NEDD4L: variants seen among roughly 807,000 people sequenced by gnomAD.
NEDD4L encodes the protein NEDD4 like E3 ubiquitin protein ligase, also known as E3 ubiquitin-protein ligase NEDD4-like.
A neutral mutation model predicts 148.9 loss-of-function variants in NEDD4L; 54 were observed. That is an observed-to-expected ratio of 0.36 (90% CI 0.29 to 0.45). NEDD4L has a LOEUF of 0.45. Among genes scored for constraint, NEDD4L ranks in the 20% least tolerant of loss-of-function variants. The pLI is 1.00. For synonymous variants in NEDD4L, 433 were observed against 440.7 expected (o/e 0.98, Z 0.22); for missense variants, 856 against 1,233.8 (o/e 0.69, Z 4.59).
chr18:58,135,125 C>T (rs1037896719), intron 1 of NEDD4L, among the ~76,000 whole-genome samples: 64 of 152,048 alleles, frequency 4.2e-4, no homozygotes, highest in African/African-American at 1.4e-3. Context: ...AAGGGCTGGC[C>T]GCCTTATTTG....
At chr18:58,334,837 A>G (rs941956504) in intron 12 of NEDD4L, among the ~76,000 whole-genome samples, 1 of 152,232 alleles carries the variant, frequency 6.6e-6, no homozygotes. Context: ...AGCAGTCAAA[A>G]TAATAGAGTC....
intron 5 of NEDD4L, among the ~76,000 whole-genome samples, chr18:58,275,622 G>T (rs967192450): frequency 1.3e-5 from 2 of 152,202 alleles, no homozygotes; most frequent in Non-Finnish European, 2.9e-5. Context: ...GTAGTGGTCT[G>T]GCCGCTGCAC....
At chr18:58,149,099 G>T (rs1348318463) in intron 1 of NEDD4L, among the ~76,000 whole-genome samples, 1 of 152,176 alleles carries the variant, frequency 6.6e-6, no homozygotes, top group Non-Finnish European at 1.5e-5. Context: ...GCTTTTGCGT[G>T]GGGAAAACAT....
At chr18:58,192,792 T>C (rs149731701) in intron 2 of NEDD4L, among the ~76,000 whole-genome samples, 466 of 152,332 alleles carry the variant, frequency 3.1e-3, no homozygotes, top group Non-Finnish European at 5.0e-3. Context: ...TCCAGGAATT[T>C]ATCATCACTT....
intron 2 of NEDD4L, among the ~76,000 whole-genome samples, chr18:58,244,142 T>G (rs1402355150): frequency 6.6e-6 from 1 of 152,232 alleles, no homozygotes. Context: ...CTTGATGTAA[T>G]CTTTGGAAAT....
rs984792592 is a variant in NEDD4L, at chr18:58,360,683, C to G, written c.1767+3431C>G. ...TCTGGTCCTAGGATCATTAAATCTCCCACTACGTCTGTAGACTCTCCTTAA... is the reference window on the plus strand; with the variant it reads ...TCTGGTCCTAGGATCATTAAATCTCGCACTACGTCTGTAGACTCTCCTTAA... On this transcript the variant is annotated intron_variant, in intron 19 of 30. Coordinates refer to ENST00000400345, the MANE Select transcript of NEDD4L (RefSeq NM_001144967.3). Among the ~76,000 whole-genome samples the G allele has an allele frequency of 9.2e-5, 14 of 151,878 alleles. No individual in the cohort carries two copies. The East Asian group carries it at 2.3e-3, about 25-fold the overall frequency.
intron 16 of NEDD4L, among the ~76,000 whole-genome samples, chr18:58,343,985 G>A (rs1479478905): frequency 4.6e-5 from 7 of 152,094 alleles, no homozygotes; most frequent in African/African-American, 1.2e-4. Context: ...CCATCGAATT[G>A]TCTAGCTAGA....
intron 3 of NEDD4L, 77 bp from the exon 4 acceptor site, chr18:58,248,822 A>T: frequency 1.4e-6 from 1 of 724,852 alleles, no homozygotes; most frequent in Admixed American, 2.7e-5. Flanking sequence ...GTTTAAGCAA[A>T]TATGTAGACT....
intron 1 of NEDD4L, among the ~76,000 whole-genome samples, chr18:58,061,489 T>C (rs1320137155): frequency 6.6e-6 from 1 of 151,900 alleles, no homozygotes; most frequent in African/African-American, 2.4e-5. Flanking sequence ...TGTTTTTTTT[T>C]TTTTTCTTTC....
At chr18:58,108,834 A>G (rs1873464536) in intron 1 of NEDD4L, among the ~76,000 whole-genome samples, 1 of 152,260 alleles carries the variant, frequency 6.6e-6, no homozygotes, top group Non-Finnish European at 1.5e-5. Context: ...CAGATATACC[A>G]TATGACATAA....
chr18:58,309,057 T>A (rs1264733056), intron 5 of NEDD4L, among the ~76,000 whole-genome samples: 1 of 152,242 alleles, frequency 6.6e-6, no homozygotes, highest in Non-Finnish European at 1.5e-5. Flanking sequence ...GGCACCTTTT[T>A]GGGACACAGT....
intron 2 of NEDD4L, chr18:58,190,010 T>C (rs920049389): frequency 6.6e-6 from 1 of 152,194 alleles, no homozygotes; most frequent in African/African-American, 2.4e-5. Flanking sequence ...TTCCAAATCG[T>C]TTTTAGGGAA....
intron 1 of NEDD4L, among the ~76,000 whole-genome samples, chr18:58,062,044 A>G (rs1037670244): frequency 2.6e-5 from 4 of 152,234 alleles, no homozygotes; most frequent in South Asian, 4.1e-4. Context: ...TGAACTCTTC[A>G]TAATATCTCA....
chr18:58,058,334 T>C (rs2082178432), intron 1 of NEDD4L, among the ~76,000 whole-genome samples: 1 of 152,098 alleles, frequency 6.6e-6, no homozygotes, highest in South Asian at 2.1e-4. Flanking sequence ...CATGACAAAA[T>C]GGACTCTCTT....
At chr18:58,255,496 T>C (rs1383671253) in intron 5 of NEDD4L, 2 of 1,230,738 alleles carry the variant, frequency 1.6e-6, no homozygotes, top group Admixed American at 8.4e-5. Flanking sequence ...TTATTTCTGC[T>C]ATCTGTCGCT....
At chr18:58,151,563 G>A (rs1418965194) in intron 1 of NEDD4L, among the ~76,000 whole-genome samples, 1 of 151,380 alleles carries the variant, frequency 6.6e-6, no homozygotes, top group African/African-American at 2.4e-5. Context: ...TAAAAATACG[G>A]ATACCACCAT....
rs563595447 is a variant in NEDD4L at position 58,264,924 on chromosome 18, T to C, written c.297+12870T>C. Among the ~76,000 whole-genome samples the C allele has an allele frequency of 1.4e-4, 21 of 152,208 alleles. No individual in the cohort carries two copies. In the East Asian group the frequency reaches 2.5e-3, roughly 18 times the overall value. On this transcript the variant is annotated intron_variant, in intron 5 of 30. Coordinates refer to ENST00000400345, the MANE Select transcript of NEDD4L (RefSeq NM_001144967.3). ...ACGTGAAGCCCTATCCTTCTTGACG[T>C]TGGACATATAAATACTTAGGGAGCT...
At chr18:58,369,396 G>C (rs758393849) in intron 22 of NEDD4L, among the ~76,000 whole-genome samples, 2 of 152,158 alleles carry the variant, frequency 1.3e-5, no homozygotes, top group Non-Finnish European at 2.9e-5. Context: ...ACATAGATGG[G>C]CCTAGTCAGC....
Position 58,398,403 on chromosome 18 carries a change from C to T in NEDD4L, c.*2134C>T, listed in dbSNP as rs2050633755. The T allele has an allele frequency of 6.6e-6, 1 of 151,892 alleles. No individual in the cohort carries two copies. Among genetic ancestry groups the T allele is most frequent in the Non-Finnish European group, 1.5e-5 (1 of 68,002 alleles). The allele number at this position is 151,892 out of a possible 1,614,324, so 9.4% of individuals were successfully genotyped here. A position where few individuals can be genotyped will look rare whatever the true frequency, so the allele number is the denominator to read the frequency against. On this transcript the variant is annotated 3_prime_UTR_variant, in exon 31 of 31. Coordinates refer to ENST00000400345, the MANE Select transcript of NEDD4L (RefSeq NM_001144967.3). Reference sequence around the variant, plus strand: ...TAATTGTAGAGGGAGAAATCCAATTCTAACCTAAGAACTGGGATTCTTCTG... The same window carrying T: ...TAATTGTAGAGGGAGAAATCCAATTTTAACCTAAGAACTGGGATTCTTCTG...
Sources: allele counts gnomAD v4.1 joint callset (sites outside exome capture counted in the v4.1 genomes callset), GRCh38; gene constraint gnomAD v4.1.1; transcripts MANE v1.5; gene names NCBI Gene and HGNC (gene_info 2026-07-23, HGNC 2026-07-21).